Variants in FOCAD observed in about 807,000 individuals in gnomAD.
The protein encoded by FOCAD is focadhesin, also known as KIAA1797.
In FOCAD, 198 loss-of-function variants were observed where a neutral mutation model predicts 225.6. That is an observed-to-expected ratio of 0.88 (90% CI 0.78 to 0.99). The LOEUF (loss-of-function observed/expected upper bound fraction) is 0.99. FOCAD is among the 50% of genes least tolerant of loss of function. The pLI, the probability that FOCAD is intolerant of heterozygous loss-of-function variation, is 0.00. For missense variants in FOCAD, 2,713 were observed against 2,123.6 expected (o/e 1.28, Z -5.46); for synonymous variants, 897 against 755.0 (o/e 1.19, Z -3.08).
At chr9:20,682,216 T>G (rs1043692293), upstream of FOCAD, among the ~76,000 whole-genome samples, 1 of 152,222 alleles carries the variant, frequency 6.6e-6, no homozygotes, top group Non-Finnish European at 1.5e-5. Context: ...TTTTTATTGT[T>G]TATAAATTAC....
At chr9:20,692,762 G>A (rs927602479) in intron 1 of FOCAD, among the ~76,000 whole-genome samples, 1 of 152,182 alleles carries the variant, frequency 6.6e-6, no homozygotes, top group Non-Finnish European at 1.5e-5. Context: ...TTTTGAGGCC[G>A]GGACTTAGAA....
intron 12 of FOCAD, among the ~76,000 whole-genome samples, chr9:20,820,103 T>G (rs1824155369): frequency 6.6e-6 from 1 of 152,038 alleles, no homozygotes. Context: ...AGTATCTAAG[T>G]TTTCACTTTG....
chr9:20,670,607 T>A (rs1822035443), intron 2 of FOCAD, among the ~76,000 whole-genome samples: 2 of 152,156 alleles, frequency 1.3e-5, no homozygotes, highest in African/African-American at 4.8e-5. Context: ...ACCACCCTCA[T>A]AATCCAATCA....
chr9:20,679,419 T>A (rs1822333345), upstream of FOCAD, among the ~76,000 whole-genome samples: 1 of 152,160 alleles, frequency 6.6e-6, no homozygotes, highest in South Asian at 2.1e-4. Context: ...CCCAGCATGC[T>A]TGGGCCTGAG....
At chr9:20,870,097 ACTGAC>A (rs1829633220) in intron 18 of FOCAD, among the ~76,000 whole-genome samples, 2 of 152,198 alleles carry the variant, frequency 1.3e-5, no homozygotes, top group Non-Finnish European at 2.9e-5. Context: ...GGTAGAAGAT[ACTGAC>A]TTTTCTCTCT....
At chr9:20,804,002 G>T (rs1173196344) in intron 11 of FOCAD, among the ~76,000 whole-genome samples, 1 of 152,018 alleles carries the variant, frequency 6.6e-6, no homozygotes, top group Non-Finnish European at 1.5e-5. Context: ...AGTAAGACAT[G>T]TGGAGATAAT....
chr9:20,664,167 C>T (rs1821827127), intron 2 of FOCAD, among the ~76,000 whole-genome samples: 2 of 151,576 alleles, frequency 1.3e-5, no homozygotes, highest in Non-Finnish European at 2.9e-5. Flanking sequence ...ATTTAAATAA[C>T]ATATGTTTTC....
intron 15 of FOCAD, among the ~76,000 whole-genome samples, chr9:20,858,077 T>G (rs1384727243): frequency 6.6e-6 from 1 of 151,988 alleles, no homozygotes; most frequent in Non-Finnish European, 1.5e-5. Context: ...CTTTGTCTGG[T>G]TTTGGTATCA....
chr9:20,923,819 T>C (rs771961987), intron 25 of FOCAD, 51 bp downstream of exon 25: 1 of 1,391,036 alleles, frequency 7.2e-7, no homozygotes, highest in Non-Finnish European at 1.0e-6. Flanking sequence ...TTTTTAAGCC[T>C]GGCTTTAGGT....
chr9:20,925,570 C>T (rs563342616), intron 25 of FOCAD, among the ~76,000 whole-genome samples: 1 of 152,218 alleles, frequency 6.6e-6, no homozygotes, highest in South Asian at 2.1e-4. Context: ...TGCATGTGAC[C>T]ACCAACAAAA....
At chr9:20,955,962 T>C (rs1366921838) in intron 35 of FOCAD, among the ~76,000 whole-genome samples, 1 of 152,216 alleles carries the variant, frequency 6.6e-6, no homozygotes, top group Non-Finnish European at 1.5e-5. Context: ...GGAATGTGGC[T>C]AACACTTTCT....
intron 15 of FOCAD, among the ~76,000 whole-genome samples, chr9:20,823,356 TTTC>T (rs779147930): frequency 9.2e-5 from 14 of 152,080 alleles, no homozygotes; most frequent in Non-Finnish European, 1.6e-4. Context: ...AAGATTTTTC[TTTC>T]TTCTTATTTA....
chr9:20,738,896 C>A (rs1827370273), intron 4 of FOCAD, among the ~76,000 whole-genome samples: 1 of 152,056 alleles, frequency 6.6e-6, no homozygotes, highest in Admixed American at 6.6e-5. Context: ...AACATGTAAT[C>A]AATATAAAAA....
chr9:20,778,087 C>G (rs1818963177), intron 8 of FOCAD, among the ~76,000 whole-genome samples: 1 of 25,156 alleles, frequency 4.0e-5, no homozygotes, highest in Non-Finnish European at 7.2e-5. Flanking sequence ...GAGACTCCGT[C>G]TCAAAAAAAA....
At chr9:20,721,300 C>G (rs1300708909) in intron 4 of FOCAD, among the ~76,000 whole-genome samples, 3 of 152,174 alleles carry the variant, frequency 2.0e-5, no homozygotes, top group Admixed American at 2.0e-4. Context: ...GGTGAAGCTA[C>G]TTGTTTTTCC....
In FOCAD at chr9:20,740,222, A is replaced by G. The variant is rs774935824; in HGVS notation, c.288-14A>G. On this transcript the variant is annotated splice_polypyrimidine_tract_variant and intron_variant, in intron 4 of 43. Transcript: ENST00000338382. ...TTTTATCTATAACATTTAACATGCT[A>G]TATTTCTTTGCAGAAATACACATGG... The G allele has an allele frequency of 2.0e-5, 30 of 1,475,772 alleles. No homozygotes were observed. The highest frequency in any genetic ancestry group is 1.0e-4 in the Admixed American group (6 of 57,178). 91.4% of individuals were successfully genotyped at this position (1,475,772 alleles called of 1,614,324 possible). A position where few individuals can be genotyped will look rare whatever the true frequency, so the allele number is the denominator to read the frequency against.
chr9:20,802,231 C>T (rs997811767), intron 11 of FOCAD, among the ~76,000 whole-genome samples: 1 of 152,078 alleles, frequency 6.6e-6, no homozygotes, highest in Non-Finnish European at 1.5e-5. Context: ...GAATGGATTA[C>T]TTCTACATTG....
At chr9:20,976,279 C>T (rs1298427244) in intron 35 of FOCAD, 141 bp from the exon 36 acceptor site, 2 of 696,860 alleles carry the variant, frequency 2.9e-6, no homozygotes, top group Middle Eastern at 3.4e-4. Context: ...AAATTAAGAG[C>T]ACAGAATTGA....
intron 42 of FOCAD, among the ~76,000 whole-genome samples, chr9:20,991,382 A>C (rs1841657261): frequency 6.6e-6 from 1 of 152,176 alleles, no homozygotes; most frequent in Non-Finnish European, 1.5e-5. Flanking sequence ...ATCTTTAAAA[A>C]CATTTCTGAA....
Sources: gnomAD v4.1 joint callset for allele counts (sites outside exome capture counted in the v4.1 genomes callset) on GRCh38, gnomAD v4.1.1 for gene constraint, MANE v1.5 for transcripts, NCBI Gene and HGNC (gene_info 2026-07-23, HGNC 2026-07-21) for gene names.